Variants in CHRDL1 observed in about 807,000 individuals in gnomAD.
CHRDL1 encodes the protein chordin like 1, also known as chordin-like protein 1.
A neutral mutation model predicts 40.9 loss-of-function variants in CHRDL1; 19 were observed. That is an observed-to-expected ratio of 0.46 (90% CI 0.32 to 0.68). The LOEUF is 0.68. Ranked by LOEUF, CHRDL1 falls within the 30% of genes least tolerant of loss-of-function variation. The pLI is 0.03. For synonymous variants in CHRDL1, 136 were observed against 123.4 expected (o/e 1.10, Z -0.68); for missense variants, 329 against 352.1 (o/e 0.93, Z 0.53).
chrX:110,715,795 T>C (rs1212182141), intron 6 of CHRDL1, among the ~76,000 whole-genome samples: 1 of 112,745 alleles, frequency 8.9e-6, no homozygotes, highest in Non-Finnish European at 1.9e-5. Flanking sequence ...ACCAACTGGT[T>C]ATATTAGCAA....
chrX:110,746,806 A>G (rs1221216193), intron 4 of CHRDL1, among the ~76,000 whole-genome samples: 2 of 111,422 alleles, frequency 1.8e-5, no homozygotes, highest in African/African-American at 6.5e-5. Context: ...GGATTTAAAT[A>G]CCTTCTTTTC....
intron 2 of CHRDL1, among the ~76,000 whole-genome samples, chrX:110,769,842 C>T (rs901165831): frequency 8.9e-6 from 1 of 111,965 alleles, no homozygotes; most frequent in South Asian, 3.8e-4. Flanking sequence ...GTGGGAGTTA[C>T]AATTCAAGAT....
chrX:110,715,357 T>C (rs2070822124), intron 6 of CHRDL1, among the ~76,000 whole-genome samples: 1 of 111,463 alleles, frequency 9.0e-6, no homozygotes, highest in African/African-American at 3.3e-5. Flanking sequence ...GGTGCAATGA[T>C]ACTTAACTCG....
intron 4 of CHRDL1, among the ~76,000 whole-genome samples, chrX:110,731,348 G>A (rs900010658): frequency 1.8e-5 from 2 of 111,301 alleles, no homozygotes; most frequent in Non-Finnish European, 3.8e-5. Flanking sequence ...GCAAGTAGGT[G>A]GAGAAATTGG....
chrX:110,692,836 C>G (rs2070307567), intron 8 of CHRDL1, among the ~76,000 whole-genome samples: 1 of 112,144 alleles, frequency 8.9e-6, no homozygotes, highest in Non-Finnish European at 1.9e-5. Context: ...AAATATACAT[C>G]TAACTAGTAA....
At chrX:110,766,398 G>A (rs779941908) in intron 2 of CHRDL1, among the ~76,000 whole-genome samples, 3 of 111,377 alleles carry the variant, frequency 2.7e-5, no homozygotes, top group Non-Finnish European at 3.8e-5. Flanking sequence ...CAAAAGATAA[G>A]TGAAACAAAA....
At chrX:110,749,535 T>C (rs921241661) in intron 4 of CHRDL1, among the ~76,000 whole-genome samples, 1 of 111,904 alleles carries the variant, frequency 8.9e-6, no homozygotes, top group South Asian at 3.8e-4. Context: ...AGTCTCTGTG[T>C]CTTAGAGTAT....
chrX:110,714,216 G>A (rs755804757), intron 6 of CHRDL1, among the ~76,000 whole-genome samples: 3 of 110,004 alleles, frequency 2.7e-5, no homozygotes, highest in Non-Finnish European at 5.7e-5. Flanking sequence ...CTTTGTGTTC[G>A]TAAGTTCTCA....
chrX:110,689,434 ATATAT>A lies in CHRDL1; in HGVS notation c.779-636_779-632del, dbSNP rs1490501724. Among the ~76,000 whole-genome samples the A allele has an allele frequency of 2.7e-3, 164 of 61,614 alleles. 5 individuals carry two copies. The African/African-American group carries it at 0.028, about 10-fold the overall frequency. 53.5% of individuals were successfully genotyped at this position (61,614 alleles called of 115,157 possible). A position where few individuals can be genotyped will look rare whatever the true frequency, so the allele number is the denominator to read the frequency against. On this transcript the variant is annotated intron_variant, in intron 8 of 11. Coordinates refer to ENST00000372042, the MANE Select transcript of CHRDL1 (RefSeq NM_001143981.2). Reference sequence around the variant, plus strand: ...TATATCTATATATATCTATATATCTATATATCTATATATATCTATATATCTATATA... The same window carrying A: ...TATATCTATATATATCTATATATCTACTATATATATCTATATATCTATATA...
chrX:110,730,374 G>A (rs949193602), intron 4 of CHRDL1, among the ~76,000 whole-genome samples: 1 of 110,610 alleles, frequency 9.0e-6, no homozygotes, highest in Non-Finnish European at 1.9e-5. Context: ...TGGGAAGACC[G>A]TCAGGTGTGA....
intron 2 of CHRDL1, among the ~76,000 whole-genome samples, chrX:110,763,412 A>G (rs2089600415): frequency 9.1e-6 from 1 of 110,201 alleles, no homozygotes; most frequent in South Asian, 3.9e-4. Context: ...CACTTAGAAT[A>G]ATAGTCTCCA....
At chrX:110,759,077 C>T (rs1394749897) in intron 4 of CHRDL1, among the ~76,000 whole-genome samples, 1 of 111,900 alleles carries the variant, frequency 8.9e-6, no homozygotes, top group Non-Finnish European at 1.9e-5. Context: ...AGCTGCAAAT[C>T]GTGAAAGTAG....
intron 6 of CHRDL1, among the ~76,000 whole-genome samples, chrX:110,710,301 T>C (rs764613163): frequency 2.7e-4 from 30 of 112,191 alleles, no homozygotes; most frequent in Admixed American, 1.7e-3. Flanking sequence ...TGGGCAGCTA[T>C]GGAATTCCTT....
At chrX:110,773,256 C>A (rs538543828) in intron 2 of CHRDL1, among the ~76,000 whole-genome samples, 2 of 112,116 alleles carry the variant, frequency 1.8e-5, no homozygotes, top group South Asian at 7.4e-4. Flanking sequence ...CTGCAGCCTG[C>A]AAATTTTGAT....
intron 2 of CHRDL1, among the ~76,000 whole-genome samples, chrX:110,782,185 C>G (rs1358741815): frequency 8.9e-6 from 1 of 111,945 alleles, no homozygotes; most frequent in African/African-American, 3.2e-5. Context: ...ATTTGTTGAG[C>G]ATTTCCTATG....
intron 6 of CHRDL1, among the ~76,000 whole-genome samples, chrX:110,704,068 A>G (rs1237401891): frequency 9.0e-6 from 1 of 111,641 alleles, no homozygotes; most frequent in African/African-American, 3.3e-5. Context: ...TGATAGCACA[A>G]TAGGGTGACT....
rs151004691 is a variant in CHRDL1 at position 110,688,747 on chromosome X, G to A, written c.835C>T (p.Arg279Trp). 3 of 1,209,918 alleles carry A rather than the reference G, an allele frequency of 2.5e-6. No individual in the cohort carries two copies. Among genetic ancestry groups the A allele is most frequent in the East Asian group, 3.0e-5 (1 of 33,783 alleles). The change falls in exon 9 of 12, where the codon CGG becomes TGG. Residue 279 changes from arginine to tryptophan, a missense_variant. Transcript: ENST00000372042. ...SHGESWHPNL[R>W]AFGIVECVLC... ...ACACACTCCACAATGCCAAATGCCC[G>A]GAGGTTTGGGTGCCAGGACTCGCCA...
At chrX:110,765,598 T>C (rs1223066248) in intron 2 of CHRDL1, among the ~76,000 whole-genome samples, 1 of 112,131 alleles carries the variant, frequency 8.9e-6, no homozygotes, top group Non-Finnish European at 1.9e-5. Flanking sequence ...TGAAGATCAG[T>C]TGGCTGTAAG....
chrX:110,676,994 C>T (rs886865471), intron 11 of CHRDL1, among the ~76,000 whole-genome samples: 3 of 111,085 alleles, frequency 2.7e-5, no homozygotes, highest in Non-Finnish European at 3.8e-5. Flanking sequence ...TCCCTTTCCA[C>T]GCAGAGTAAA....
Sources: gnomAD v4.1 joint callset for allele counts (sites outside exome capture counted in the v4.1 genomes callset) on GRCh38, gnomAD v4.1.1 for gene constraint, MANE v1.5 for transcripts, NCBI Gene and HGNC (gene_info 2026-07-23, HGNC 2026-07-21) for gene names.